Variants in ARHGEF26 observed in about 807,000 individuals in gnomAD.
ARHGEF26 encodes Rho guanine nucleotide exchange factor (GEF) 26.
A neutral mutation model predicts 89.4 loss-of-function variants in ARHGEF26; 59 were observed. The observed-to-expected ratio is 0.66, with a 90% CI of 0.54 to 0.82. ARHGEF26 has a LOEUF of 0.82. ARHGEF26 is among the 40% of genes least tolerant of loss of function. The pLI, the probability that ARHGEF26 is intolerant of heterozygous loss-of-function variation, is 0.00. For synonymous variants in ARHGEF26, 500 were observed against 428.4 expected (o/e 1.17, Z -2.06); for missense variants, 1,234 against 1,085.6 (o/e 1.14, Z -1.92).
intron 9 of ARHGEF26, among the ~76,000 whole-genome samples, chr3:154,215,992 G>T (rs536600559): frequency 3.0e-4 from 46 of 152,192 alleles, no homozygotes; most frequent in African/African-American, 1.0e-3. Flanking sequence ...ATATATGTGT[G>T]TATTTATATG....
At position 154,122,510 on chromosome 3, in the gene ARHGEF26, C is replaced by T. The variant is rs759323191; in HGVS notation, c.518C>T (p.Pro173Leu). ...TTGACTGCCAGCCCGGTGCCTTCGC[C>T]CACTGCAAATGGCCTTGCCGCTAAT... Reference protein sequence around the residue: ...TGLTASPVPSPTANGLAANND... With the variant: ...TGLTASPVPSLTANGLAANND... Residue 173 changes from proline to leucine, a missense_variant, in exon 2 of 15, where the codon CCC (proline) becomes CTC (leucine). Physicochemically the swap from Pro to Leu is moderately conservative, Grantham distance 98 (BLOSUM62 -3). Coordinates refer to ENST00000465093, the MANE Select transcript of ARHGEF26 (RefSeq NM_015595.4). The T allele has an allele frequency of 5.0e-6, 8 of 1,613,216 alleles. No homozygotes were observed. The highest frequency in any genetic ancestry group is 6.8e-6 in the Non-Finnish European group (8 of 1,179,870).
intron 6 of ARHGEF26, among the ~76,000 whole-genome samples, chr3:154,177,863 C>T (rs1192397465): frequency 1.3e-5 from 2 of 152,186 alleles, no homozygotes; most frequent in Admixed American, 1.3e-4. Context: ...CTAGCTGATA[C>T]AAGCCCCGGC....
At position 154,256,329 on chromosome 3, in the gene ARHGEF26, T is replaced by G. The variant is rs952601682; in HGVS notation, c.*856T>G. On this transcript the variant is annotated 3_prime_UTR_variant, in exon 15 of 15. Transcript: ENST00000465093. ...CCTCTGCTTCCTAGGTTCAAGTGATTCTCCTGCCTCAGCCTCCCAAGTAGC... is the reference window on the plus strand; with the variant it reads ...CCTCTGCTTCCTAGGTTCAAGTGATGCTCCTGCCTCAGCCTCCCAAGTAGC... 2.2e-6 allele frequency: 2 copies of G among 901,970 alleles called. No homozygotes were observed. Among genetic ancestry groups the G allele is most frequent in the African/African-American group, 3.6e-5 (2 of 55,056 alleles). 55.9% of individuals were successfully genotyped at this position (901,970 alleles called of 1,614,324 possible).
chr3:154,233,759 T>A (rs1716946484), intron 11 of ARHGEF26, among the ~76,000 whole-genome samples: 1 of 152,204 alleles, frequency 6.6e-6, no homozygotes, highest in Non-Finnish European at 1.5e-5. Context: ...TCCAGGTGTT[T>A]AATTTGGTGG....
chr3:154,213,315 C>T (rs917826586), intron 9 of ARHGEF26, among the ~76,000 whole-genome samples: 1 of 150,746 alleles, frequency 6.6e-6, no homozygotes, highest in Non-Finnish European at 1.5e-5. Flanking sequence ...TTTAGTGAAC[C>T]AAATTTAATA....
rs371396607 is a variant in ARHGEF26 at position 154,156,863 on chromosome 3, GTTAAGTATGTCA to G, written c.1487+3933_1487+3944del. ...GATATTACAGAGTAAGCATGGTATT[GTTAAGTATGTCA>G]TAACCAGGGCTATCTTCATTGTTTT... On this transcript the variant is annotated intron_variant, in intron 6 of 14. Coordinates refer to ENST00000465093, the MANE Select transcript of ARHGEF26 (RefSeq NM_015595.4). Among the ~76,000 whole-genome samples the G allele has an allele frequency of 6.6e-5, 10 of 152,280 alleles. No individual in the cohort carries two copies. The East Asian group carries it at 1.9e-3, about 29-fold the overall frequency.
intron 8 of ARHGEF26, among the ~76,000 whole-genome samples, chr3:154,192,167 T>A (rs1480813907): frequency 6.6e-6 from 1 of 152,200 alleles, no homozygotes; most frequent in Non-Finnish European, 1.5e-5. Context: ...TCACAGAGTG[T>A]CTTTTTGATC....
rs369180335 is a variant in ARHGEF26, at chr3:154,254,869, G to A, written c.2473+45G>A. On this transcript the variant is annotated intron_variant, in intron 14 of 14. Transcript: ENST00000465093. ...TGGGACACTCGTGGTCCAGGATGCAGAGTGCTATAGACCCGAGGAGTGTCA... is the reference window on the plus strand; with the variant it reads ...TGGGACACTCGTGGTCCAGGATGCAAAGTGCTATAGACCCGAGGAGTGTCA... 15 of 1,510,642 alleles carry A rather than the reference G, an allele frequency of 9.9e-6. No homozygotes were observed. In the South Asian group the frequency reaches 1.5e-4, roughly 15 times the overall value. The allele number at this position is 1,510,642 out of a possible 1,614,324, so 93.6% of individuals were successfully genotyped here.
chr3:154,138,945 G>A (rs910887242), intron 4 of ARHGEF26, among the ~76,000 whole-genome samples: 5 of 152,192 alleles, frequency 3.3e-5, no homozygotes, highest in Non-Finnish European at 7.3e-5. Context: ...TTACTATTGT[G>A]GTAAAGCTGT....
At chr3:154,230,388 C>A (rs1330742016) in intron 11 of ARHGEF26, among the ~76,000 whole-genome samples, 1 of 152,130 alleles carries the variant, frequency 6.6e-6, no homozygotes, top group South Asian at 2.1e-4. Context: ...TCCAGAGGCT[C>A]AATTTCTTTA....
At chr3:154,207,180 G>A (rs762474109) in intron 9 of ARHGEF26, among the ~76,000 whole-genome samples, 3 of 151,960 alleles carry the variant, frequency 2.0e-5, no homozygotes, top group Admixed American at 6.6e-5. Context: ...CATACCATTC[G>A]GGACATAGGC....
chr3:154,251,292 G>C (rs182237840), intron 12 of ARHGEF26, among the ~76,000 whole-genome samples: 70 of 152,298 alleles, frequency 4.6e-4, no homozygotes, highest in Admixed American at 2.7e-3. Context: ...AATTAGATTA[G>C]ATGATACTTG....
intron 10 of ARHGEF26, among the ~76,000 whole-genome samples, chr3:154,219,610 G>A (rs1305801955): frequency 3.0e-4 from 42 of 141,148 alleles, no homozygotes; most frequent in Admixed American, 2.7e-3. Flanking sequence ...AAAAGAAAAA[G>A]AAAAAGAAAC....
At chr3:154,185,164 A>T (rs1239755046) in intron 6 of ARHGEF26, among the ~76,000 whole-genome samples, 4 of 150,162 alleles carry the variant, frequency 2.7e-5, no homozygotes, top group Non-Finnish European at 4.5e-5. Flanking sequence ...AAATGTGTGA[A>T]TTTTTTTTTT....
At chr3:154,213,256 T>TATATATAA (rs1715502773) in intron 9 of ARHGEF26, among the ~76,000 whole-genome samples, 1 of 150,896 alleles carries the variant, frequency 6.6e-6, no homozygotes, top group South Asian at 2.1e-4. Context: ...TATATATATA[T>TATATATAA]GCTTTTGTTC....
At chr3:154,215,398 T>C (rs1715655548) in intron 9 of ARHGEF26, among the ~76,000 whole-genome samples, 1 of 114,230 alleles carries the variant, frequency 8.8e-6, no homozygotes, top group African/African-American at 3.2e-5. Flanking sequence ...CAGTCTGTGA[T>C]TTTTTTTTTT....
intron 6 of ARHGEF26, among the ~76,000 whole-genome samples, chr3:154,182,930 C>T (rs1469983299): frequency 2.0e-5 from 3 of 152,064 alleles, no homozygotes; most frequent in Non-Finnish European, 4.4e-5. Context: ...AAAGCAACCA[C>T]AAAAGACCTA....
chr3:154,256,075 GAAGGA>G lies in ARHGEF26; in HGVS notation c.*606_*610del. ...ATTTTTGTCACCTTTTTCCTCATTA[GAAGGA>G]AAGTAGAAAGCCTTACTTTAGGATT... is the stretch of plus-strand genomic sequence containing the variant. On this transcript the variant is annotated 3_prime_UTR_variant, in exon 15 of 15. Transcript: ENST00000465093. 1.0e-6 allele frequency: 1 copy of G among 985,296 alleles called. No homozygotes were observed. 61.0% of individuals were successfully genotyped at this position (985,296 alleles called of 1,614,324 possible). A position where few individuals can be genotyped will look rare whatever the true frequency, so the allele number is the denominator to read the frequency against.
chr3:154,242,169 C>T (rs1216582457), intron 12 of ARHGEF26, among the ~76,000 whole-genome samples: 5 of 152,094 alleles, frequency 3.3e-5, no homozygotes, highest in South Asian at 2.1e-4. Flanking sequence ...GAGAGTTCAC[C>T]AAGGTAATGA....
Sources: gnomAD v4.1 joint callset for allele counts (sites outside exome capture counted in the v4.1 genomes callset) on GRCh38, gnomAD v4.1.1 for gene constraint, MANE v1.5 for transcripts, NCBI Gene and HGNC (gene_info 2026-07-23, HGNC 2026-07-21) for gene names.